NCAM2: variants seen among roughly 807,000 people sequenced by gnomAD.
NCAM2 encodes neural cell adhesion molecule 2.
A neutral mutation model predicts 98.1 loss-of-function variants in NCAM2; 30 were observed. The observed-to-expected ratio is 0.31, with a 90% confidence interval of 0.23 to 0.41. The LOEUF (loss-of-function observed/expected upper bound fraction) is 0.41. NCAM2 is among the 10% of genes least tolerant of loss of function. The pLI is 1.00. For synonymous variants in NCAM2, 368 were observed against 342.4 expected, an observed-to-expected ratio of 1.07 and a Z score of -0.83; for missense variants, 867 against 1,005.8, an observed-to-expected ratio of 0.86 and a Z score of 1.87.
At chr21:21,171,294 GA>G (rs151097544) in intron 1 of NCAM2, among the ~76,000 whole-genome samples, 1 of 151,940 alleles carries the variant, frequency 6.6e-6, no homozygotes, top group African/African-American at 2.4e-5. Flanking sequence ...ATACAATTTA[GA>G]AAAAAAATTA....
rs1199410642 is a variant in NCAM2, at chr21:21,521,990, A to G, written c.2283-12547A>G. On this transcript the variant is annotated intron_variant, in intron 16 of 17. Transcript: ENST00000400546. ...TATACATCATATTCAAACTGCAGAA[A>G]ATTAATGTGTATATATCAATATATA... 2.0e-5 allele frequency among the ~76,000 whole-genome samples: 3 copies of G among 149,878 alleles called. No homozygotes were observed. The East Asian group carries it at 5.8e-4, about 29-fold the overall frequency.
chr21:21,306,316 T>C (rs536256925), intron 5 of NCAM2, among the ~76,000 whole-genome samples: 1 of 152,284 alleles, frequency 6.6e-6, no homozygotes, highest in South Asian at 2.1e-4. Flanking sequence ...GTCTATTTCT[T>C]TTCACAGTTC....
chr21:21,177,690 T>C (rs976850943), intron 1 of NCAM2, among the ~76,000 whole-genome samples: 1 of 151,932 alleles, frequency 6.6e-6, no homozygotes, highest in Admixed American at 6.6e-5. Context: ...TTTCCATTTC[T>C]CACCTACTCT....
At chr21:21,387,176 GCACACACACATACACACACACACA>G (rs1381353543) in intron 9 of NCAM2, among the ~76,000 whole-genome samples, 133 of 125,544 alleles carry the variant, frequency 1.1e-3, no homozygotes, top group African/African-American at 3.1e-3. Context: ...TACTTGGTGC[GCACACACACATACACACACACACA>G]CACACACACA....
intron 1 of NCAM2, among the ~76,000 whole-genome samples, chr21:21,279,517 C>A (rs577434821): frequency 6.6e-6 from 1 of 152,206 alleles, no homozygotes; most frequent in East Asian, 1.9e-4. Context: ...TGCCACCACA[C>A]CCAGCTAATT....
At chr21:21,115,395 T>C (rs1368790123) in intron 1 of NCAM2, among the ~76,000 whole-genome samples, 1 of 152,162 alleles carries the variant, frequency 6.6e-6, no homozygotes, top group Non-Finnish European at 1.5e-5. Context: ...CTACCAGAAT[T>C]AGTTAAGTTA....
intron 10 of NCAM2, among the ~76,000 whole-genome samples, chr21:21,416,566 G>A (rs374062443): frequency 1.6e-4 from 25 of 151,744 alleles, no homozygotes; most frequent in African/African-American, 6.0e-4. Context: ...AATAAAACAG[G>A]TATGCCTATA....
chr21:21,452,316 A>G (rs1416934067), intron 12 of NCAM2, among the ~76,000 whole-genome samples: 1 of 149,412 alleles, frequency 6.7e-6, no homozygotes, highest in African/African-American at 2.4e-5. Flanking sequence ...TTGAAATGAT[A>G]TATGTCCATT....
intron 1 of NCAM2, among the ~76,000 whole-genome samples, chr21:21,006,056 C>T (rs1913425428): frequency 6.6e-6 from 1 of 152,084 alleles, no homozygotes; most frequent in South Asian, 2.1e-4. Flanking sequence ...ATTTTAAGTT[C>T]CTTCTTTAGG....
intron 1 of NCAM2, among the ~76,000 whole-genome samples, chr21:21,251,072 T>G: frequency 6.6e-6 from 1 of 152,218 alleles, no homozygotes; most frequent in East Asian, 1.9e-4. Flanking sequence ...GGATTAAATG[T>G]GTCGTGATTT....
chr21:21,374,795 A>G (rs529372579), intron 9 of NCAM2, among the ~76,000 whole-genome samples: 3 of 151,980 alleles, frequency 2.0e-5, no homozygotes, highest in East Asian at 3.9e-4. Context: ...TTGACAAAAT[A>G]TTTCTATTGG....
At chr21:21,513,676 T>A (rs1011984121) in intron 16 of NCAM2, among the ~76,000 whole-genome samples, 1 of 152,138 alleles carries the variant, frequency 6.6e-6, no homozygotes, top group Non-Finnish European at 1.5e-5. Flanking sequence ...CTTAAAAACG[T>A]GGATGAAATG....
At chr21:21,081,014 G>C (rs57727942) in intron 1 of NCAM2, among the ~76,000 whole-genome samples, 3,719 of 152,210 alleles carry the variant, frequency 0.024, 133 homozygotes, top group African/African-American at 0.079. Context: ...TTGACCTTTT[G>C]ACTTGGAGTT....
At chr21:21,127,105 A>G (rs1161563369) in intron 1 of NCAM2, among the ~76,000 whole-genome samples, 1 of 152,014 alleles carries the variant, frequency 6.6e-6, no homozygotes, top group Non-Finnish European at 1.5e-5. Flanking sequence ...TATTAAATTT[A>G]TTCTATTTAC....
At chr21:21,522,102 G>A (rs1425262978) in intron 16 of NCAM2, among the ~76,000 whole-genome samples, 2 of 147,026 alleles carry the variant, frequency 1.4e-5, no homozygotes, top group Non-Finnish European at 3.0e-5. Flanking sequence ...ACATGAATAA[G>A]AATATATATG....
chr21:21,101,399 C>G (rs569442801), intron 1 of NCAM2, among the ~76,000 whole-genome samples: 2 of 151,916 alleles, frequency 1.3e-5, no homozygotes, highest in East Asian at 3.9e-4. Flanking sequence ...TAAGATACTA[C>G]TTTTTACTTT....
At chr21:21,207,643 T>G (rs563908683) in intron 1 of NCAM2, among the ~76,000 whole-genome samples, 1 of 152,274 alleles carries the variant, frequency 6.6e-6, no homozygotes, top group South Asian at 2.1e-4. Context: ...ACTTGAGCTA[T>G]GGGTTATGTA....
At chr21:21,181,857 A>G (rs1475044166) in intron 1 of NCAM2, among the ~76,000 whole-genome samples, 1 of 151,884 alleles carries the variant, frequency 6.6e-6, no homozygotes, top group Non-Finnish European at 1.5e-5. Flanking sequence ...TCCCTGTCCC[A>G]TAGGATGTAA....
intron 1 of NCAM2, among the ~76,000 whole-genome samples, chr21:21,032,977 T>C (rs62208963): frequency 0.11 from 16,590 of 149,956 alleles, 1,105 homozygotes; most frequent in Non-Finnish European, 0.14. Context: ...AGAGTTTCAC[T>C]CTTGTTGCCC....
Sources: gnomAD v4.1 joint callset for allele counts (sites outside exome capture counted in the v4.1 genomes callset) on GRCh38, gnomAD v4.1.1 for gene constraint, MANE v1.5 for transcripts, NCBI Gene and HGNC (gene_info 2026-07-23, HGNC 2026-07-21) for gene names.